Variants in CAPN7 observed in about 807,000 individuals in gnomAD.
CAPN7 encodes calpain 7, also known as calpain-7.
In CAPN7, 72 loss-of-function variants were observed where a neutral mutation model predicts 115.2. That is an observed-to-expected ratio of 0.63 (90% CI 0.52 to 0.76). The LOEUF is 0.76. Among genes scored for constraint, CAPN7 ranks in the 30% least tolerant of loss-of-function variants. The probability of loss-of-function intolerance (pLI) is 0.00; values close to 1 mark genes in which losing one functional copy is unlikely to be tolerated. For synonymous variants in CAPN7, 344 were observed against 322.3 expected, an observed-to-expected ratio of 1.07 and a Z score of -0.72; for missense variants, 905 against 971.5, an observed-to-expected ratio of 0.93 and a Z score of 0.91.
intron 1 of CAPN7, among the ~76,000 whole-genome samples, chr3:15,211,471 G>A (rs1299322560): frequency 6.6e-6 from 1 of 152,116 alleles, no homozygotes; most frequent in Non-Finnish European, 1.5e-5. Flanking sequence ...AGAGAGCCTG[G>A]ATAGCTCCTT....
At chr3:15,230,560 C>T in intron 9 of CAPN7, 25 bp downstream of exon 9, 1 of 1,325,332 alleles carries the variant, frequency 7.5e-7, no homozygotes, top group Non-Finnish European at 1.1e-6. Context: ...TCCCCACTCC[C>T]ATCCCTTGTC....
chr3:15,251,473 T>G lies in CAPN7; in HGVS notation c.*213T>G. On this transcript the variant is annotated 3_prime_UTR_variant, in exon 21 of 21. Transcript: ENST00000253693. ...CACCTAGAGGTACCGTTTACATGGT[T>G]TTGTGTATATAGAGTTGGCTTGCAT... 1 of 417,806 alleles carries G rather than the reference T, an allele frequency of 2.4e-6. No individual in the cohort carries two copies. Among genetic ancestry groups the G allele is most frequent in the East Asian group, 3.8e-5 (1 of 26,296 alleles). The allele number at this position is 417,806 out of a possible 1,614,324, so 25.9% of individuals were successfully genotyped here.
At chr3:15,240,721 T>G (rs17480974) in intron 13 of CAPN7, 33 bp from the exon 14 acceptor site, 48,549 of 1,567,796 alleles carry the variant, frequency 0.031, 942 homozygotes, top group Non-Finnish European at 0.033. Flanking sequence ...AGCATTAAGA[T>G]TTTTTTAGAT....
intron 12 of CAPN7, among the ~76,000 whole-genome samples, chr3:15,239,966 G>A (rs1373911989): frequency 6.6e-6 from 1 of 152,216 alleles, no homozygotes; most frequent in Non-Finnish European, 1.5e-5. Flanking sequence ...GGATTTTATT[G>A]CACTCTGAAA....
At position 15,227,105 on chromosome 3, in the gene CAPN7, C is replaced by T. The variant is rs377610878; in HGVS notation, c.726-734C>T. Among the ~76,000 whole-genome samples, 10 of 130,202 alleles carry T rather than the reference C, an allele frequency of 7.7e-5. No homozygotes were observed. In the East Asian group the frequency reaches 1.2e-3, roughly 16 times the overall value. The allele number at this position is 130,202 out of a possible 152,430, so 85.4% of individuals were successfully genotyped here. On this transcript the variant is annotated intron_variant, in intron 6 of 20. Coordinates refer to ENST00000253693, the MANE Select transcript of CAPN7 (RefSeq NM_014296.3). ...CCTGGGCAACATATGGAGACCTCAA[C>T]TGTTAAAAAAAAAAAAAAAAAAGTT...
intron 17 of CAPN7, chr3:15,246,011 G>A (rs1403271755): frequency 1.2e-5 from 2 of 162,656 alleles, no homozygotes; most frequent in African/African-American, 2.4e-5. Flanking sequence ...GTGCAATCTC[G>A]GCTCACTGCA....
rs530606707 is a variant in CAPN7 at position 15,217,854 on chromosome 3, C to T, written c.369+272C>T. Among the ~76,000 whole-genome samples the T allele has an allele frequency of 7.2e-5, 11 of 152,286 alleles. No homozygotes were observed. In the South Asian group the frequency reaches 2.3e-3, roughly 32 times the overall value. Reference sequence around the variant, plus strand: ...ACAACTAAAATAAACTTACAGAATTCATTATCACAAATCTATTAATTTAGA... The same window carrying T: ...ACAACTAAAATAAACTTACAGAATTTATTATCACAAATCTATTAATTTAGA... On this transcript the variant is annotated intron_variant, in intron 3 of 20. Transcript: ENST00000253693.
chr3:15,239,855 C>G (rs1468349274), intron 12 of CAPN7, among the ~76,000 whole-genome samples: 1 of 152,132 alleles, frequency 6.6e-6, no homozygotes, highest in African/African-American at 2.4e-5. Context: ...TTCACTATGT[C>G]TGTCTGCACT....
chr3:15,233,378 C>G (rs1694804422), intron 10 of CAPN7, among the ~76,000 whole-genome samples: 1 of 152,184 alleles, frequency 6.6e-6, no homozygotes, highest in African/African-American at 2.4e-5. Flanking sequence ...ATATATAGGT[C>G]ATAATTAAAT....
chr3:15,217,630 C>T, intron 3 of CAPN7, 48 bp downstream of exon 3: 8 of 1,447,330 alleles, frequency 5.5e-6, no homozygotes, highest in Non-Finnish European at 7.4e-6. Flanking sequence ...CAAACCATTT[C>T]TTCTCTTGCT....
rs956785204 is a variant in CAPN7, at chr3:15,241,317, G to A, written c.1653-136G>A. 5 of 764,198 alleles carry A rather than the reference G, an allele frequency of 6.5e-6. No individual in the cohort carries two copies. The South Asian group carries it at 9.7e-5, about 15-fold the overall frequency. The allele number at this position is 764,198 out of a possible 1,614,324, so 47.3% of individuals were successfully genotyped here. A position where few individuals can be genotyped will look rare whatever the true frequency, so the allele number is the denominator to read the frequency against. ...AGTTGTTTTCTTTCCATGCTTCCTA[G>A]TTATGCCAAAAAAATTTAAAAACAG... is the stretch of plus-strand genomic sequence containing the variant. On this transcript the variant is annotated intron_variant, in intron 14 of 20. Transcript: ENST00000253693.
At chr3:15,245,409 T>C in intron 16 of CAPN7, 117 bp from the exon 17 acceptor site, 2 of 892,056 alleles carry the variant, frequency 2.2e-6, no homozygotes, top group Non-Finnish European at 3.4e-6. Context: ...ATCATTATAT[T>C]TTAAGGAGAG....
intron 19 of CAPN7, among the ~76,000 whole-genome samples, chr3:15,249,448 G>C: frequency 6.6e-6 from 1 of 152,034 alleles, no homozygotes; most frequent in East Asian, 1.9e-4. Flanking sequence ...TAATGAATCT[G>C]TCTTCTGGTT....
Position 15,241,690 on chromosome 3 carries a change from G to A in CAPN7, c.1788+102G>A, listed in dbSNP as rs531130900. On this transcript the variant is annotated intron_variant, in intron 15 of 20. Coordinates refer to ENST00000253693, the MANE Select transcript of CAPN7 (RefSeq NM_014296.3). ...AACACCAGCCTGTTTAATTTACATAGGTGCCCTGAGAATAGTGTTTTCTCA... is the reference window on the plus strand; with the variant it reads ...AACACCAGCCTGTTTAATTTACATAAGTGCCCTGAGAATAGTGTTTTCTCA... 23 of 896,990 alleles carry A rather than the reference G, an allele frequency of 2.6e-5. No homozygotes were observed. In the East Asian group the frequency reaches 6.1e-4, roughly 24 times the overall value. The allele number at this position is 896,990 out of a possible 1,614,324, so 55.6% of individuals were successfully genotyped here.
rs746074969 is a variant in CAPN7 at position 15,237,699 on chromosome 3, G to A, written c.1407+2554G>A. Among the ~76,000 whole-genome samples, 14 of 152,248 alleles carry A rather than the reference G, an allele frequency of 9.2e-5. No individual in the cohort carries two copies. The East Asian group carries it at 1.3e-3, about 15-fold the overall frequency. On this transcript the variant is annotated intron_variant, in intron 12 of 20. Coordinates refer to ENST00000253693, the MANE Select transcript of CAPN7 (RefSeq NM_014296.3). ...AAAACATTTTAAGTGGCTGGGCACC[G>A]TGGGTCACCCCTATAATCCTAGCAC...
intron 1 of CAPN7, among the ~76,000 whole-genome samples, chr3:15,208,637 G>A (rs1036636027): frequency 6.6e-6 from 1 of 151,946 alleles, no homozygotes; most frequent in African/African-American, 2.4e-5. Context: ...GCATTCAGTT[G>A]ATTTTGTTTT....
rs193299611 is a variant in CAPN7, at chr3:15,214,571, T to G, written c.211+2359T>G. ...TCACCCCTACAAAAATTGAAAAAAT[T>G]TGCTGGGCATGGTGGTGTGTGCCTG... On this transcript the variant is annotated intron_variant, in intron 2 of 20. Transcript: ENST00000253693. Among the ~76,000 whole-genome samples, 735 of 152,092 alleles carry G rather than the reference T, an allele frequency of 4.8e-3. 2 individuals carry two copies. Among genetic ancestry groups the G allele is most frequent in the Non-Finnish European group, 8.2e-3 (559 of 67,954 alleles).
At chr3:15,220,686 G>GA in intron 4 of CAPN7, 95 bp from the exon 5 acceptor site, 1 of 985,694 alleles carries the variant, frequency 1.0e-6, no homozygotes, top group Non-Finnish European at 1.6e-6. Context: ...TTACATTAGG[G>GA]ATGCTTGACT....
At chr3:15,217,171 C>G (rs941521855) in intron 2 of CAPN7, among the ~76,000 whole-genome samples, 1 of 151,128 alleles carries the variant, frequency 6.6e-6, no homozygotes, top group African/African-American at 2.4e-5. Flanking sequence ...CTCTTGAGCC[C>G]GAGGAGGTAG....
Sources: gnomAD v4.1 joint callset for allele counts (sites outside exome capture counted in the v4.1 genomes callset) on GRCh38, gnomAD v4.1.1 for gene constraint, MANE v1.5 for transcripts, NCBI Gene and HGNC (gene_info 2026-07-23, HGNC 2026-07-21) for gene names.